The following ROR1 variants were observed in gnomAD, a reference collection of about 807,000 sequenced individuals.
The protein encoded by ROR1 is inactive tyrosine-protein kinase transmembrane receptor ROR1.
In ROR1, 19 loss-of-function variants were observed where a neutral mutation model predicts 78.8. The observed-to-expected ratio is 0.24, with a 90% confidence interval of 0.17 to 0.35. The LOEUF (loss-of-function observed/expected upper bound fraction) is 0.35. Among genes scored for constraint, ROR1 ranks in the 10% least tolerant of loss-of-function variants. The probability of loss-of-function intolerance (pLI) is 1.00; values close to 1 mark genes in which losing one functional copy is unlikely to be tolerated. For synonymous variants in ROR1, 386 were observed against 433.6 expected (o/e 0.89, Z 1.36); for missense variants, 917 against 1,177.8 (o/e 0.78, Z 3.24).
chr1:63,902,683 A>G (rs1020063958), intron 1 of ROR1, among the ~76,000 whole-genome samples: 1 of 152,294 alleles, frequency 6.6e-6, no homozygotes, highest in African/African-American at 2.4e-5. Flanking sequence ...TACAATCTGC[A>G]TTCAGCTGTG....
At chr1:64,017,255 C>T (rs1344964211) in intron 2 of ROR1, among the ~76,000 whole-genome samples, 1 of 152,106 alleles carries the variant, frequency 6.6e-6, no homozygotes, top group African/African-American at 2.4e-5. Flanking sequence ...ATGCGGGGAG[C>T]TTCTTGCCTG....
intron 4 of ROR1, among the ~76,000 whole-genome samples, chr1:64,064,440 A>T (rs1271215454): frequency 6.6e-6 from 1 of 152,188 alleles, no homozygotes; most frequent in Admixed American, 6.5e-5. Context: ...GCTGCAAGAA[A>T]CTATATGACA....
Position 63,874,337 on chromosome 1 carries a change from C to T in ROR1, c.91+99829C>T, listed in dbSNP as rs1408632986. ...TTTTTTCCTTCTTTTTTGAAGGTTGCTTCTTTTGGCCTCTTAAAGATAATT... is the reference window on the plus strand; with the variant it reads ...TTTTTTCCTTCTTTTTTGAAGGTTGTTTCTTTTGGCCTCTTAAAGATAATT... On this transcript the variant is annotated intron_variant, in intron 1 of 8. Transcript: ENST00000371079. Among the ~76,000 whole-genome samples, 3 of 151,748 alleles carry T rather than the reference C, an allele frequency of 2.0e-5. No individual in the cohort carries two copies. In the East Asian group the frequency reaches 5.8e-4, roughly 29 times the overall value.
At chr1:63,798,391 G>A (rs1479967659) in intron 1 of ROR1, among the ~76,000 whole-genome samples, 1 of 152,142 alleles carries the variant, frequency 6.6e-6, no homozygotes, top group Admixed American at 6.5e-5. Flanking sequence ...ACAGGACCAA[G>A]AGCCTGTGAG....
At chr1:64,053,031 A>C (rs1326679613) in intron 4 of ROR1, among the ~76,000 whole-genome samples, 5 of 152,208 alleles carry the variant, frequency 3.3e-5, no homozygotes, top group African/African-American at 7.2e-5. Flanking sequence ...GGGGACAGGC[A>C]GAAGATAACA....
chr1:64,116,113 G>A (rs949959595), intron 4 of ROR1, among the ~76,000 whole-genome samples: 9 of 152,242 alleles, frequency 5.9e-5, no homozygotes, highest in East Asian at 1.9e-4. Flanking sequence ...GAAGTTTCTC[G>A]TGAACTCTTG....
intron 1 of ROR1, among the ~76,000 whole-genome samples, chr1:63,792,948 G>T (rs1644736064): frequency 6.6e-6 from 1 of 152,230 alleles, no homozygotes; most frequent in African/African-American, 2.4e-5. Flanking sequence ...CACTTGAGGT[G>T]CTAGGACTCC....
At chr1:64,056,736 T>C (rs1443553503) in intron 4 of ROR1, among the ~76,000 whole-genome samples, 1 of 151,924 alleles carries the variant, frequency 6.6e-6, no homozygotes, top group Non-Finnish European at 1.5e-5. Flanking sequence ...TGGTATCTCA[T>C]TGTGGTTTTG....
chr1:64,018,717 A>G (rs545937646), intron 2 of ROR1, among the ~76,000 whole-genome samples: 2 of 152,354 alleles, frequency 1.3e-5, no homozygotes, highest in Admixed American at 1.3e-4. Context: ...TCTTGAGATC[A>G]GAAGTCATGT....
chr1:64,167,436 T>G lies in ROR1; in HGVS notation c.1386+8244T>G, dbSNP rs541503559. ...AACTCCAAGCAAGTGTGGCAAAATA[T>G]TGGTTGAAACTCCCTCTAGAACTTG... is the stretch of plus-strand genomic sequence containing the variant. On this transcript the variant is annotated intron_variant, in intron 8 of 8. Transcript: ENST00000371079. Among the ~76,000 whole-genome samples, 21 of 152,298 alleles carry G rather than the reference T, an allele frequency of 1.4e-4. No individual in the cohort carries two copies. The South Asian group carries it at 3.1e-3, about 23-fold the overall frequency.
At chr1:64,074,535 A>G (rs1647034286) in intron 4 of ROR1, among the ~76,000 whole-genome samples, 1 of 152,172 alleles carries the variant, frequency 6.6e-6, no homozygotes, top group African/African-American at 2.4e-5. Flanking sequence ...GGGAGGGAGA[A>G]CTCAGTTAAA....
At chr1:64,030,618 G>C (rs1394674936) in intron 2 of ROR1, among the ~76,000 whole-genome samples, 2 of 152,092 alleles carry the variant, frequency 1.3e-5, no homozygotes, top group African/African-American at 2.4e-5. Context: ...TGCATGACCA[G>C]TTTTCAGGAA....
chr1:63,807,076 G>T (rs1214207717), intron 1 of ROR1, among the ~76,000 whole-genome samples: 2 of 152,156 alleles, frequency 1.3e-5, no homozygotes, highest in East Asian at 3.9e-4. Flanking sequence ...TTACAACTGG[G>T]AGGGACTTTT....
chr1:63,893,863 TCTTTTTC>T (rs1420830386), intron 1 of ROR1, among the ~76,000 whole-genome samples: 1 of 152,150 alleles, frequency 6.6e-6, no homozygotes, highest in Non-Finnish European at 1.5e-5. Context: ...AACATGAATT[TCTTTTTC>T]CTTTTTTACA....
chr1:63,909,315 CA>C (rs554821849), intron 1 of ROR1, among the ~76,000 whole-genome samples: 8 of 152,128 alleles, frequency 5.3e-5, no homozygotes, highest in Non-Finnish European at 1.0e-4. Flanking sequence ...TACTTACAAA[CA>C]AAAATTCAAT....
chr1:64,115,581 G>A (rs908632705), intron 4 of ROR1, among the ~76,000 whole-genome samples: 3 of 150,298 alleles, frequency 2.0e-5, no homozygotes, highest in African/African-American at 4.9e-5. Context: ...TGGTTGTAAC[G>A]ATAAATAAAT....
chr1:64,096,706 C>G (rs1647313322), intron 4 of ROR1, among the ~76,000 whole-genome samples: 1 of 152,050 alleles, frequency 6.6e-6, no homozygotes, highest in Non-Finnish European at 1.5e-5. Flanking sequence ...AATGAACATA[C>G]TCATGCACAT....
intron 1 of ROR1, among the ~76,000 whole-genome samples, chr1:63,963,957 A>AT (rs1646054097): frequency 6.6e-6 from 1 of 152,094 alleles, no homozygotes; most frequent in Admixed American, 6.6e-5. Context: ...TCAGTCTTAT[A>AT]TTTTTTTGAG....
intron 7 of ROR1, among the ~76,000 whole-genome samples, chr1:64,146,440 C>A (rs12120883): frequency 0.16 from 23,621 of 152,202 alleles, 2,095 homozygotes; most frequent in Non-Finnish European, 0.2. Context: ...CGCACCACTG[C>A]ACTCCAGCCT....
Sources: allele counts gnomAD v4.1 joint callset (sites outside exome capture counted in the v4.1 genomes callset), GRCh38; gene constraint gnomAD v4.1.1; transcripts MANE v1.5; gene names NCBI Gene and HGNC (gene_info 2026-07-23, HGNC 2026-07-21).